Variants in CDH12 observed in about 807,000 individuals in gnomAD.
CDH12 encodes the protein cadherin-12.
Under a neutral mutation model 74.1 loss-of-function variants are expected in CDH12, and 41 were observed. The observed-to-expected ratio is 0.55, with a 90% CI of 0.43 to 0.72. The LOEUF (loss-of-function observed/expected upper bound fraction) is 0.72, where lower values mean the gene tolerates loss of function less well. Ranked by LOEUF, CDH12 falls within the 30% of genes least tolerant of loss-of-function variation. The probability of loss-of-function intolerance (pLI) is 0.00; values close to 1 mark genes in which losing one functional copy is unlikely to be tolerated. For synonymous variants in CDH12, 399 were observed against 355.0 expected (o/e 1.12, Z -1.39); for missense variants, 945 against 977.2 (o/e 0.97, Z 0.44).
chr5:21,770,634 A>G (rs1579669062), intron 11 of CDH12, among the ~76,000 whole-genome samples: 1 of 151,564 alleles, frequency 6.6e-6, no homozygotes, highest in Non-Finnish European at 1.5e-5. Context: ...AAAAAAAAAA[A>G]GTTAAAATTC....
intron 1 of CDH12, among the ~76,000 whole-genome samples, chr5:22,686,365 CAAAT>C (rs1271280197): frequency 3.3e-5 from 5 of 152,224 alleles, no homozygotes; most frequent in Admixed American, 2.0e-4. Flanking sequence ...TTTTGATGCA[CAAAT>C]ACTTTTGATT....
rs114429374 is a variant in CDH12, at chr5:22,588,749, C to T, written c.-522-83385G>A. 3.3e-3 allele frequency among the ~76,000 whole-genome samples: 509 copies of T among 152,260 alleles called. 2 individuals carry two copies. The highest frequency in any genetic ancestry group is 0.012 in the African/African-American group (481 of 41,574). On this transcript the variant is annotated intron_variant, in intron 1 of 14. Coordinates refer to ENST00000382254, the MANE Select transcript of CDH12 (RefSeq NM_004061.5). ...CTAATCTGCTGGTACCTTACTCACA[C>T]TCTCTGTCTTCTCTCCTGTCACAGT...
chr5:22,716,123 C>A (rs1249774793), intron 1 of CDH12, among the ~76,000 whole-genome samples: 1 of 152,036 alleles, frequency 6.6e-6, no homozygotes, highest in Non-Finnish European at 1.5e-5. Flanking sequence ...GGTGACAGAG[C>A]AAGACTCTGT....
intron 4 of CDH12, among the ~76,000 whole-genome samples, chr5:22,150,025 T>A (rs1747463894): frequency 6.6e-6 from 1 of 152,018 alleles, no homozygotes. Flanking sequence ...AATATTTCGC[T>A]CATAAATTAA....
At chr5:22,353,938 A>C (rs988336308) in intron 3 of CDH12, among the ~76,000 whole-genome samples, 2 of 152,190 alleles carry the variant, frequency 1.3e-5, no homozygotes, top group Admixed American at 1.3e-4. Context: ...AAACACAAAT[A>C]TGAATGGCAG....
In CDH12 at chr5:22,475,561, T is replaced by G. The variant is rs183789410; in HGVS notation, c.-428+29709A>C. The stretch of plus-strand genomic sequence containing the variant: ...ATAAGAATATAGTTTCTATTTCATA[T>G]TAGAGTCACTAGGATTCTAATTGCA... On this transcript the variant is annotated intron_variant, in intron 2 of 14. Coordinates refer to ENST00000382254, the MANE Select transcript of CDH12 (RefSeq NM_004061.5). 9.3e-4 allele frequency among the ~76,000 whole-genome samples: 141 copies of G among 152,142 alleles called. 2 individuals carry two copies. The highest frequency in any genetic ancestry group is 1.0e-4 in the Non-Finnish European group (7 of 67,936).
At chr5:22,310,060 C>T (rs991944278) in intron 3 of CDH12, among the ~76,000 whole-genome samples, 2 of 151,696 alleles carry the variant, frequency 1.3e-5, no homozygotes, top group Admixed American at 6.6e-5. Context: ...GATGACAGGT[C>T]GATGGGTGCA....
chr5:22,602,940 C>CT (rs1434689921), intron 1 of CDH12, among the ~76,000 whole-genome samples: 1 of 152,116 alleles, frequency 6.6e-6, no homozygotes, highest in Non-Finnish European at 1.5e-5. Flanking sequence ...ATAATTGACT[C>CT]TGAGTCTTTC....
intron 6 of CDH12, chr5:21,883,805 G>C: frequency 6.3e-7 from 1 of 1,596,134 alleles, no homozygotes; most frequent in Non-Finnish European, 8.6e-7. Flanking sequence ...TTGTGCTGAA[G>C]TTTGGTGGGA....
chr5:21,877,529 A>G (rs1752002820), intron 6 of CDH12, among the ~76,000 whole-genome samples: 1 of 152,210 alleles, frequency 6.6e-6, no homozygotes, highest in Admixed American at 6.5e-5. Context: ...CTGGCTAAGA[A>G]AATACTTTTG....
intron 6 of CDH12, among the ~76,000 whole-genome samples, chr5:21,865,068 T>A (rs192988242): frequency 6.6e-6 from 1 of 152,312 alleles, no homozygotes; most frequent in African/African-American, 2.4e-5. Context: ...TGCTATTTCA[T>A]GTTTCAAATA....
intron 5 of CDH12, among the ~76,000 whole-genome samples, chr5:22,042,167 GA>G (rs762975734): frequency 1.3e-4 from 19 of 151,988 alleles, no homozygotes; most frequent in Middle Eastern, 3.4e-3. Context: ...GGATTCAGAG[GA>G]AAGTTTATAG....
At chr5:21,909,738 G>T (rs1420065234) in intron 6 of CDH12, among the ~76,000 whole-genome samples, 1 of 152,138 alleles carries the variant, frequency 6.6e-6, no homozygotes, top group Non-Finnish European at 1.5e-5. Flanking sequence ...TCCTTAGAGA[G>T]ACATGTGTAA....
At chr5:22,664,061 A>G (rs1291794642) in intron 1 of CDH12, among the ~76,000 whole-genome samples, 2 of 152,206 alleles carry the variant, frequency 1.3e-5, no homozygotes, top group Non-Finnish European at 2.9e-5. Context: ...ATAATGGTAA[A>G]AGATATTTAA....
intron 3 of CDH12, among the ~76,000 whole-genome samples, chr5:22,310,646 G>A (rs1428152181): frequency 6.6e-6 from 1 of 151,984 alleles, no homozygotes; most frequent in African/African-American, 2.4e-5. Context: ...AAAAGAAAAA[G>A]CCAATTGGTC....
At chr5:22,518,364 T>C (rs1384440546) in intron 1 of CDH12, among the ~76,000 whole-genome samples, 1 of 152,180 alleles carries the variant, frequency 6.6e-6, no homozygotes, top group Non-Finnish European at 1.5e-5. Context: ...TTGAATAATA[T>C]AGTTCTTCTT....
chr5:22,205,795 T>C (rs1312461467), intron 4 of CDH12, among the ~76,000 whole-genome samples: 1 of 152,036 alleles, frequency 6.6e-6, no homozygotes, highest in South Asian at 2.1e-4. Flanking sequence ...CAATGCTATA[T>C]ACAAAAACTT....
At chr5:21,950,759 TA>T (rs1162092295) in intron 6 of CDH12, among the ~76,000 whole-genome samples, 1,028 of 82,570 alleles carry the variant, frequency 0.012, 3 homozygotes, top group Middle Eastern at 0.031. Context: ...AATTTTATTT[TA>T]TTATTATTAT....
At chr5:22,266,036 TG>T (rs535032355) in intron 3 of CDH12, among the ~76,000 whole-genome samples, 75 of 132,112 alleles carry the variant, frequency 5.7e-4, no homozygotes, top group Admixed American at 2.0e-3. Flanking sequence ...AAAGCTTTGT[TG>T]ATTATTTATT....
Sources: gnomAD v4.1 joint callset for allele counts (sites outside exome capture counted in the v4.1 genomes callset) on GRCh38, gnomAD v4.1.1 for gene constraint, MANE v1.5 for transcripts, NCBI Gene and HGNC (gene_info 2026-07-23, HGNC 2026-07-21) for gene names.